PTPRD: variants seen among roughly 807,000 people sequenced by gnomAD.
The protein encoded by PTPRD is receptor-type tyrosine-protein phosphatase delta.
A neutral mutation model predicts 214.5 loss-of-function variants in PTPRD; 34 were observed. That is an observed-to-expected ratio of 0.16 (90% CI 0.12 to 0.21). The LOEUF (loss-of-function observed/expected upper bound fraction) is 0.21. Ranked by LOEUF, PTPRD falls within the 10% of genes least tolerant of loss-of-function variation. The pLI, the probability that PTPRD is intolerant of heterozygous loss-of-function variation, is 1.00. For missense variants in PTPRD, 2,545 were observed against 2,398.7 expected (o/e 1.06, Z -1.27); for synonymous variants, 1,128 against 845.7 (o/e 1.33, Z -5.79).
At chr9:9,530,338 T>C (rs1406779708) in intron 8 of PTPRD, among the ~76,000 whole-genome samples, 1 of 152,032 alleles carries the variant, frequency 6.6e-6, no homozygotes, top group African/African-American at 2.4e-5. Flanking sequence ...TACAAAAGAA[T>C]ATCAAAGACT....
At position 10,123,696 on chromosome 9, in the gene PTPRD, A is replaced by T. The variant is rs181389909; in HGVS notation, c.-544-89906T>A. 4.3e-3 allele frequency among the ~76,000 whole-genome samples: 654 copies of T among 152,326 alleles called. 4 individuals are homozygous for T. Among genetic ancestry groups the T allele is most frequent in the African/African-American group, 0.015 (629 of 41,582 alleles). ...GTTATTTTGGAAAACAGAAATAAAG[A>T]AAAATGACCGCATTAGTTCTACCTT... On this transcript the variant is annotated intron_variant, in intron 3 of 45. Transcript: ENST00000381196.
chr9:9,404,722 G>C (rs2072553842), intron 8 of PTPRD, among the ~76,000 whole-genome samples: 2 of 152,038 alleles, frequency 1.3e-5, no homozygotes, highest in South Asian at 4.1e-4. Context: ...TAAACATTGA[G>C]AATCATTATC....
At chr9:10,093,711 G>C (rs545123134) in intron 3 of PTPRD, among the ~76,000 whole-genome samples, 1 of 151,360 alleles carries the variant, frequency 6.6e-6, no homozygotes, top group South Asian at 2.1e-4. Flanking sequence ...ATCTATGGTG[G>C]ATCGGATAAA....
intron 19 of PTPRD, among the ~76,000 whole-genome samples, chr9:8,521,766 CACACTAAT>C (rs1564037624): frequency 6.6e-6 from 1 of 152,112 alleles, no homozygotes; most frequent in East Asian, 1.9e-4. Context: ...ATATCTTAGA[CACACTAAT>C]ACAAAAGTTG....
chr9:8,363,776 C>T (rs1051815558), intron 39 of PTPRD, among the ~76,000 whole-genome samples: 3 of 152,150 alleles, frequency 2.0e-5, no homozygotes, highest in African/African-American at 7.2e-5. Context: ...AGACAGCCCC[C>T]ACCCCCAGCT....
chr9:10,128,882 C>T (rs932131594), intron 3 of PTPRD, among the ~76,000 whole-genome samples: 5 of 152,022 alleles, frequency 3.3e-5, no homozygotes, highest in African/African-American at 1.2e-4. Context: ...AAAATAAAAG[C>T]CAGACTCTTA....
intron 9 of PTPRD, among the ~76,000 whole-genome samples, chr9:9,283,429 T>C (rs902496446): frequency 3.3e-5 from 5 of 151,518 alleles, no homozygotes; most frequent in Admixed American, 6.6e-5. Context: ...GGTTCAATTA[T>C]ATCTTCTCAT....
chr9:9,372,869 T>C (rs932429066), intron 9 of PTPRD, among the ~76,000 whole-genome samples: 17 of 152,108 alleles, frequency 1.1e-4, no homozygotes, highest in Non-Finnish European at 2.9e-5. Context: ...CCTTCACTTA[T>C]GAAGCTTAGT....
At chr9:9,225,662 T>C (rs1168497845) in intron 9 of PTPRD, among the ~76,000 whole-genome samples, 2 of 152,034 alleles carry the variant, frequency 1.3e-5, no homozygotes, top group African/African-American at 4.8e-5. Context: ...ATGTAAAGGA[T>C]AGCGCATTTA....
intron 3 of PTPRD, among the ~76,000 whole-genome samples, chr9:10,262,622 G>A (rs1197064801): frequency 1.3e-5 from 2 of 152,218 alleles, no homozygotes; most frequent in African/African-American, 4.8e-5. Flanking sequence ...CAAAGCAGAA[G>A]ATTCTGGATC....
At chr9:9,426,712 CAGA>C (rs1054210650) in intron 8 of PTPRD, among the ~76,000 whole-genome samples, 7 of 152,116 alleles carry the variant, frequency 4.6e-5, no homozygotes, top group African/African-American at 1.7e-4. Flanking sequence ...ACGAGGCTTC[CAGA>C]AGAACGATAA....
intron 34 of PTPRD, among the ~76,000 whole-genome samples, chr9:8,444,354 T>C (rs1417895061): frequency 6.6e-6 from 1 of 152,172 alleles, no homozygotes; most frequent in African/African-American, 2.4e-5. Flanking sequence ...GCAAATTGTG[T>C]GTGTATACAT....
intron 7 of PTPRD, among the ~76,000 whole-genome samples, chr9:9,644,899 TC>T (rs2096097394): frequency 6.6e-6 from 1 of 152,108 alleles, no homozygotes. Context: ...GAGTGCCACC[TC>T]CATCATTCAA....
At chr9:10,193,074 C>T (rs1251957819) in intron 3 of PTPRD, among the ~76,000 whole-genome samples, 1 of 152,068 alleles carries the variant, frequency 6.6e-6, no homozygotes. Context: ...GTATGTTCAG[C>T]CAAAAATAGC....
chr9:8,399,809 C>A lies in PTPRD; in HGVS notation c.4210+4728G>T, dbSNP rs2092054795. Among the ~76,000 whole-genome samples, 3 of 152,284 alleles carry A rather than the reference C, an allele frequency of 2.0e-5. No individual in the cohort carries two copies. The South Asian group carries it at 6.2e-4, about 32-fold the overall frequency. On this transcript the variant is annotated intron_variant, in intron 36 of 45. Coordinates refer to ENST00000381196, the MANE Select transcript of PTPRD (RefSeq NM_002839.4). Reference sequence around the variant, plus strand: ...AAAAGCCGCTCTGGGCCTGCGTAGACTAATGGGAAGAACAGCTGCCTTGAG... The same window carrying A: ...AAAAGCCGCTCTGGGCCTGCGTAGAATAATGGGAAGAACAGCTGCCTTGAG...
chr9:8,581,524 G>A (rs1023933016), intron 14 of PTPRD, among the ~76,000 whole-genome samples: 5 of 148,052 alleles, frequency 3.4e-5, no homozygotes, highest in Admixed American at 6.7e-5. Flanking sequence ...CGAGGTGGGC[G>A]GATCACGAGG....
intron 3 of PTPRD, among the ~76,000 whole-genome samples, chr9:10,297,653 A>T (rs930767270): frequency 1.3e-5 from 2 of 152,002 alleles, no homozygotes; most frequent in Admixed American, 1.3e-4. Context: ...GTGAATACAG[A>T]AATGAATCAA....
Position 10,486,006 on chromosome 9 carries a change from A to G in PTPRD, c.-600+126392T>C, listed in dbSNP as rs142702308. On this transcript the variant is annotated intron_variant, in intron 2 of 45. Transcript: ENST00000381196. Reference sequence around the variant, plus strand: ...GTCTTCTTTCGAGGAGTGTCTGTTCACATCTTTTTCCCACTTTTTGATGTT... The same window carrying G: ...GTCTTCTTTCGAGGAGTGTCTGTTCGCATCTTTTTCCCACTTTTTGATGTT... Among the ~76,000 whole-genome samples the G allele has an allele frequency of 4.1e-3, 602 of 146,380 alleles. 6 individuals are homozygous for G. The highest frequency in any genetic ancestry group is 0.014 in the African/African-American group (557 of 39,792).
intron 3 of PTPRD, among the ~76,000 whole-genome samples, chr9:10,305,983 T>G (rs1299400929): frequency 1.3e-5 from 2 of 152,102 alleles, no homozygotes; most frequent in African/African-American, 4.8e-5. Context: ...ATATGTTTAT[T>G]GCAGTGCTGT....
Sources: gnomAD v4.1 joint callset for allele counts (sites outside exome capture counted in the v4.1 genomes callset) on GRCh38, gnomAD v4.1.1 for gene constraint, MANE v1.5 for transcripts, NCBI Gene and HGNC (gene_info 2026-07-23, HGNC 2026-07-21) for gene names.